Variants in CYP19A1 observed in about 807,000 individuals in gnomAD.
CYP19A1 encodes the protein cytochrome P450 family 19 subfamily A member 1.
In CYP19A1, 32 loss-of-function variants were observed where a neutral mutation model predicts 44.4. The observed-to-expected ratio is 0.72, with a 90% CI of 0.54 to 0.97. The LOEUF is 0.97. Ranked by LOEUF, CYP19A1 falls within the 50% of genes least tolerant of loss-of-function variation. CYP19A1 has a pLI of 0.00. For missense variants in CYP19A1, 598 were observed against 637.8 expected, an observed-to-expected ratio of 0.94 and a Z score of 0.67; for synonymous variants, 212 against 215.6, an observed-to-expected ratio of 0.98 and a Z score of 0.14.
intron 1 of CYP19A1, among the ~76,000 whole-genome samples, chr15:51,336,637 G>A (rs1400186125): frequency 6.6e-6 from 1 of 152,220 alleles, no homozygotes; most frequent in African/African-American, 2.4e-5. Context: ...AGGAAGAAAT[G>A]CTGTGGAACT....
chr15:51,225,087 C>G (rs1010074968), intron 4 of CYP19A1, among the ~76,000 whole-genome samples: 5 of 152,170 alleles, frequency 3.3e-5, no homozygotes, highest in Non-Finnish European at 7.3e-5. Context: ...GGCACACCGC[C>G]AGCATTACCA....
At position 51,216,504 on chromosome 15, in the gene CYP19A1, C is replaced by T. The variant is rs112855241; in HGVS notation, c.744-687G>A. ...CTGACCTCAGGTGATCCACCCACCT[C>T]GGCCTCCCAAAGTGCTGGGATTGCA... is the stretch of plus-strand genomic sequence containing the variant. On this transcript the variant is annotated intron_variant, in intron 6 of 9. Coordinates refer to ENST00000396402, the MANE Select transcript of CYP19A1 (RefSeq NM_000103.4). Among the ~76,000 whole-genome samples the T allele has an allele frequency of 8.9e-4, 135 of 152,288 alleles. 1 individual carries two copies. Among genetic ancestry groups the T allele is most frequent in the African/African-American group, 3.1e-3 (130 of 41,556 alleles).
chr15:51,239,952 C>T (rs567249782), intron 2 of CYP19A1, among the ~76,000 whole-genome samples: 3 of 152,246 alleles, frequency 2.0e-5, no homozygotes, highest in Non-Finnish European at 2.9e-5. Flanking sequence ...GATGGCTATA[C>T]GTCCTGGGGG....
At chr15:51,265,078 T>A (rs2034867312) in intron 1 of CYP19A1, among the ~76,000 whole-genome samples, 1 of 152,240 alleles carries the variant, frequency 6.6e-6, no homozygotes, top group Admixed American at 6.5e-5. Flanking sequence ...TCCAGTCTCA[T>A]CCCCTGCCAC....
chr15:51,251,002 C>T (rs2034284649), intron 1 of CYP19A1, among the ~76,000 whole-genome samples: 1 of 152,146 alleles, frequency 6.6e-6, no homozygotes, highest in Admixed American at 6.5e-5. Context: ...ACCCAGAGAC[C>T]ACATCACAAG....
intron 1 of CYP19A1, among the ~76,000 whole-genome samples, chr15:51,280,545 TCCTA>T (rs1179486842): frequency 6.6e-6 from 1 of 152,210 alleles, no homozygotes; most frequent in African/African-American, 2.4e-5. Flanking sequence ...TTTGGCCACT[TCCTA>T]CCTATCAGGA....
At chr15:51,324,650 A>G (rs1270025841) in intron 1 of CYP19A1, among the ~76,000 whole-genome samples, 2 of 152,284 alleles carry the variant, frequency 1.3e-5, no homozygotes, top group African/African-American at 4.8e-5. Flanking sequence ...AAACTGGTTA[A>G]AAACGAAATG....
At chr15:51,229,215 G>A (rs563165829) in intron 3 of CYP19A1, among the ~76,000 whole-genome samples, 2 of 151,832 alleles carry the variant, frequency 1.3e-5, no homozygotes, top group African/African-American at 2.4e-5. Flanking sequence ...ATTAGAACAG[G>A]ATTATTATTG....
chr15:51,212,709 C>A, intron 8 of CYP19A1, 148 bp from the exon 9 acceptor site: 1 of 647,232 alleles, frequency 1.5e-6, no homozygotes, highest in Non-Finnish European at 2.8e-6. Context: ...GCAACCAGGG[C>A]CAAATATGTT....
intron 1 of CYP19A1, among the ~76,000 whole-genome samples, chr15:51,275,614 G>T (rs2035280518): frequency 1.3e-5 from 2 of 152,194 alleles, no homozygotes; most frequent in South Asian, 4.1e-4. Flanking sequence ...TGCTGTAAAG[G>T]TTAAGCAAAA....
chr15:51,213,443 G>T (rs1018541376), intron 8 of CYP19A1, among the ~76,000 whole-genome samples: 4 of 152,180 alleles, frequency 2.6e-5, no homozygotes, highest in Admixed American at 1.3e-4. Context: ...CTGAGGAAAG[G>T]TCTAGTTTGG....
chr15:51,217,930 T>C (rs1221929720), intron 6 of CYP19A1, among the ~76,000 whole-genome samples: 1 of 152,150 alleles, frequency 6.6e-6, no homozygotes, highest in Non-Finnish European at 1.5e-5. Context: ...TACAAGCCCA[T>C]TGATTAGCCT....
chr15:51,289,800 G>A (rs1302540814), intron 1 of CYP19A1, among the ~76,000 whole-genome samples: 1 of 152,188 alleles, frequency 6.6e-6, no homozygotes, highest in Non-Finnish European at 1.5e-5. Flanking sequence ...GAAGGGTGGG[G>A]AGATGAGAGG....
At chr15:51,243,207 T>A in intron 1 of CYP19A1, 1 of 395,964 alleles carries the variant, frequency 2.5e-6, no homozygotes. Flanking sequence ...TAGAACCTTA[T>A]CATCTTGCCC....
intron 1 of CYP19A1, among the ~76,000 whole-genome samples, chr15:51,267,821 C>T (rs941246772): frequency 6.6e-6 from 1 of 152,194 alleles, no homozygotes; most frequent in East Asian, 1.9e-4. Context: ...CCAGCCCTGC[C>T]GGCTCCCCAT....
In CYP19A1 at chr15:51,210,570, C is replaced by A. The variant is rs2030839000; in HGVS notation, c.*238G>T. The A allele has an allele frequency of 1.5e-6, 1 of 659,948 alleles. No individual in the cohort carries two copies. The highest frequency in any genetic ancestry group is 2.8e-6 in the Non-Finnish European group (1 of 356,072). The allele number at this position is 659,948 out of a possible 1,614,324, so 40.9% of individuals were successfully genotyped here. Reference sequence around the variant, plus strand: ...TTTATGGATACGGTTTCTTCACCGACTATTTCTCCCTCAAACTCTTGGCCT... The same window carrying A: ...TTTATGGATACGGTTTCTTCACCGAATATTTCTCCCTCAAACTCTTGGCCT... On this transcript the variant is annotated 3_prime_UTR_variant, in exon 10 of 10. Coordinates refer to ENST00000396402, the MANE Select transcript of CYP19A1 (RefSeq NM_000103.4).
intron 1 of CYP19A1, among the ~76,000 whole-genome samples, chr15:51,279,636 A>G (rs1380919603): frequency 6.6e-6 from 1 of 152,140 alleles, no homozygotes; most frequent in Admixed American, 6.5e-5. Context: ...TGACATATAC[A>G]TTTCCCTTAA....
chr15:51,246,724 G>A (rs2034074128), intron 1 of CYP19A1, among the ~76,000 whole-genome samples: 1 of 152,160 alleles, frequency 6.6e-6, no homozygotes, highest in South Asian at 2.1e-4. Flanking sequence ...GGGGAGGCAG[G>A]CCCTGGCCTT....
rs2031801429 is a variant in CYP19A1, at chr15:51,218,663, A to G, written c.629-8T>C. ...TAACCACGATAGCACTTTCTGTAGG[A>G]AAAAAAAACACACATACACAAGAAA... On this transcript the variant is annotated splice_region_variant and splice_polypyrimidine_tract_variant and intron_variant, in intron 5 of 9. Coordinates refer to ENST00000396402, the MANE Select transcript of CYP19A1 (RefSeq NM_000103.4). The G allele has an allele frequency of 6.2e-7, 1 of 1,605,194 alleles. No homozygotes were observed. Among genetic ancestry groups the G allele is most frequent in the Non-Finnish European group, 8.5e-7 (1 of 1,175,424 alleles).
Sources: allele counts gnomAD v4.1 joint callset (sites outside exome capture counted in the v4.1 genomes callset), GRCh38; gene constraint gnomAD v4.1.1; transcripts MANE v1.5; gene names NCBI Gene and HGNC (gene_info 2026-07-23, HGNC 2026-07-21).